The following GALNT13 variants were observed in gnomAD, a reference collection of about 807,000 sequenced individuals.
GALNT13 encodes polypeptide N-acetylgalactosaminyltransferase 13.
Under a neutral mutation model 64.2 loss-of-function variants are expected in GALNT13, and 28 were observed. That is an observed-to-expected ratio of 0.44 (90% CI 0.32 to 0.60). The LOEUF is 0.60. Among genes scored for constraint, GALNT13 ranks in the 20% least tolerant of loss-of-function variants. The probability of loss-of-function intolerance (pLI) is 0.05; values close to 1 mark genes in which losing one functional copy is unlikely to be tolerated. For synonymous variants in GALNT13, 214 were observed against 224.6 expected (o/e 0.95, Z 0.42); for missense variants, 577 against 669.8 (o/e 0.86, Z 1.53).
At chr2:154,163,421 C>T (rs1320061215) in intron 4 of GALNT13, among the ~76,000 whole-genome samples, 1 of 151,750 alleles carries the variant, frequency 6.6e-6, no homozygotes, top group Non-Finnish European at 1.5e-5. Context: ...ATATCACCAC[C>T]GATCCCACAG....
At chr2:153,477,288 C>G in the GALNT13 span, 2 of 152,678 alleles carry the variant, frequency 1.3e-5, no homozygotes, top group African/African-American at 2.4e-5. Context: ...ACCGCCGCCC[C>G]GTTCCCCCCT....
chr2:153,635,656 C>T, the GALNT13 span, among the ~76,000 whole-genome samples: 2 of 151,998 alleles, frequency 1.3e-5, no homozygotes, highest in East Asian at 1.9e-4. Context: ...GGAACTCATT[C>T]GTATCTTTGG....
chr2:153,440,112 C>G, the GALNT13 span, among the ~76,000 whole-genome samples: 1 of 152,054 alleles, frequency 6.6e-6, no homozygotes, highest in African/African-American at 2.4e-5. Context: ...GCCCCCCACC[C>G]CCAACAGGCC....
chr2:153,583,236 G>A, the GALNT13 span, among the ~76,000 whole-genome samples: 1 of 152,132 alleles, frequency 6.6e-6, no homozygotes, highest in African/African-American at 2.4e-5. Context: ...GAGAAAGAAA[G>A]CTGATAGGCT....
At chr2:154,143,255 A>G (rs1383051227) in intron 4 of GALNT13, among the ~76,000 whole-genome samples, 1 of 152,192 alleles carries the variant, frequency 6.6e-6, no homozygotes, top group African/African-American at 2.4e-5. Context: ...ATCTGACAGG[A>G]CACTGAGTTC....
chr2:153,423,472 A>G, the GALNT13 span: 10 of 152,086 alleles, frequency 6.6e-5, no homozygotes, highest in East Asian at 1.5e-3. Context: ...GCCTTCTTCT[A>G]TTCATCATTG....
the GALNT13 span, among the ~76,000 whole-genome samples, chr2:153,319,305 C>G: frequency 5.9e-5 from 9 of 151,324 alleles, no homozygotes; most frequent in Non-Finnish European, 8.8e-5. Flanking sequence ...CTCAAGGTCT[C>G]ACTCTGTCAT....
At chr2:153,782,342 C>G in the GALNT13 span, among the ~76,000 whole-genome samples, 2 of 152,092 alleles carry the variant, frequency 1.3e-5, no homozygotes, top group African/African-American at 4.8e-5. Context: ...TACTACACAC[C>G]TGGGCTATAT....
chr2:153,627,796 C>T, the GALNT13 span, among the ~76,000 whole-genome samples: 1 of 152,212 alleles, frequency 6.6e-6, no homozygotes, highest in African/African-American at 2.4e-5. Context: ...ATGCCTCCAG[C>T]TTTGTTCTTT....
the GALNT13 span, among the ~76,000 whole-genome samples, chr2:153,534,090 T>G: frequency 6.6e-6 from 1 of 152,110 alleles, no homozygotes; most frequent in Non-Finnish European, 1.5e-5. Context: ...GCATGCTGCC[T>G]ACTTTATCCT....
At chr2:154,357,524 T>C (rs565170173) in intron 9 of GALNT13, among the ~76,000 whole-genome samples, 1 of 152,110 alleles carries the variant, frequency 6.6e-6, no homozygotes, top group Admixed American at 6.6e-5. Context: ...GCTAGCTGAG[T>C]TTAGTCACTA....
At chr2:154,325,538 T>G (rs1254202737) in intron 9 of GALNT13, among the ~76,000 whole-genome samples, 3 of 152,174 alleles carry the variant, frequency 2.0e-5, no homozygotes, top group Non-Finnish European at 2.9e-5. Context: ...TACTTTTTAC[T>G]TATATTAATC....
chr2:154,269,354 G>T (rs1252340897), intron 8 of GALNT13, among the ~76,000 whole-genome samples: 2 of 151,590 alleles, frequency 1.3e-5, no homozygotes, highest in Non-Finnish European at 2.9e-5. Context: ...TTCTCTTAGA[G>T]TTCTTTGCCT....
intron 3 of GALNT13, among the ~76,000 whole-genome samples, chr2:153,986,251 A>G (rs558378865): frequency 6.6e-6 from 1 of 152,118 alleles, no homozygotes; most frequent in African/African-American, 2.4e-5. Context: ...AGAAAAGGCA[A>G]CACTTTCTTT....
At chr2:153,946,557 T>A (rs368718086) in intron 3 of GALNT13, among the ~76,000 whole-genome samples, 1 of 152,106 alleles carries the variant, frequency 6.6e-6, no homozygotes, top group Admixed American at 6.6e-5. Context: ...CAACGTCTGA[T>A]AAGGGGCTGT....
intron 3 of GALNT13, among the ~76,000 whole-genome samples, chr2:154,133,064 T>C (rs62171170): frequency 0.2 from 30,521 of 152,134 alleles, 4,000 homozygotes; most frequent in Middle Eastern, 0.32. Context: ...GTAGTGCCTA[T>C]TGGCTTTGGC....
chr2:153,798,776 C>A, the GALNT13 span, among the ~76,000 whole-genome samples: 1 of 152,092 alleles, frequency 6.6e-6, no homozygotes, highest in Non-Finnish European at 1.5e-5. Flanking sequence ...AGTTGTCATA[C>A]TTCTGGTGTA....
intron 4 of GALNT13, among the ~76,000 whole-genome samples, chr2:154,179,260 T>G (rs1429094843): frequency 2.0e-5 from 3 of 152,194 alleles, no homozygotes; most frequent in Admixed American, 2.0e-4. Context: ...ATCTAGAGAA[T>G]ACATCAGAGA....
chr2:153,946,009 C>T (rs1035682199), intron 3 of GALNT13, among the ~76,000 whole-genome samples: 1 of 152,100 alleles, frequency 6.6e-6, no homozygotes, highest in Non-Finnish European at 1.5e-5. Context: ...GAGAGGGGAA[C>T]ATTATAAGTC....
Sources: allele counts gnomAD v4.1 joint callset (sites outside exome capture counted in the v4.1 genomes callset), GRCh38; gene constraint gnomAD v4.1.1; transcripts MANE v1.5; gene names NCBI Gene and HGNC (gene_info 2026-07-23, HGNC 2026-07-21).